The following TARM1 variants were observed in gnomAD, a reference collection of about 807,000 sequenced individuals.
TARM1 encodes the protein T cell-interacting, activating receptor on myeloid cells 1, also known as T-cell-interacting, activating receptor on myeloid cells protein 1.
In TARM1, 24 loss-of-function variants were observed where a neutral mutation model predicts 30.4. The observed-to-expected ratio is 0.79, with a 90% confidence interval of 0.57 to 1.11. TARM1 has a LOEUF of 1.11. Ranked by LOEUF, TARM1 falls within the 50% of genes least tolerant of loss-of-function variation. TARM1 has a pLI of 0.00. For synonymous variants in TARM1, 129 were observed against 138.9 expected (o/e 0.93, Z 0.50); for missense variants, 323 against 332.8 (o/e 0.97, Z 0.23).
chr19:54,074,369 C>T (rs1302734242), intron 3 of TARM1, among the ~76,000 whole-genome samples, 153 bp from the exon 4 acceptor site: 1 of 152,188 alleles, frequency 6.6e-6, no homozygotes, highest in Non-Finnish European at 1.5e-5. Context: ...GACCCCAGGA[C>T]AGAGATTCTC....
chr19:54,071,334 C>T (rs921168991), intron 4 of TARM1, among the ~76,000 whole-genome samples: 10 of 152,142 alleles, frequency 6.6e-5, no homozygotes, highest in Admixed American at 6.6e-4. Context: ...CCTTAGCTCT[C>T]TTCCTTCGTT....
chr19:54,073,228 G>T (rs1282447897), intron 4 of TARM1, among the ~76,000 whole-genome samples: 1 of 151,758 alleles, frequency 6.6e-6, no homozygotes, highest in Non-Finnish European at 1.5e-5. Flanking sequence ...GGTCAACACG[G>T]TGAAACCTTC....
intron 1 of TARM1, among the ~76,000 whole-genome samples, chr19:54,080,484 G>GAGGAAGGAAGGGAGGAAGGA (rs2072097632): frequency 1.1e-5 from 1 of 93,716 alleles, no homozygotes; most frequent in African/African-American, 4.5e-5. Context: ...AAGAGAGAGA[G>GAGGAAGGAAGGGAGGAAGGA]AGGAAGGAAG....
chr19:54,076,091 G>C lies in TARM1; in HGVS notation c.35-173C>G, dbSNP rs2071943856. 15 of 1,456,468 alleles carry C rather than the reference G, an allele frequency of 1.0e-5. No individual in the cohort carries two copies. In the East Asian group the frequency reaches 2.7e-4, roughly 27 times the overall value. 90.2% of individuals were successfully genotyped at this position (1,456,468 alleles called of 1,614,324 possible). ...GACTGTGGCTTCTGCTCGACTTCCA[G>C]CTCCTCCATCCTTTCCCAGAGATTC... On this transcript the variant is annotated intron_variant, in intron 1 of 4. Transcript: ENST00000432826.
chr19:54,075,334 C>T (rs935669463), intron 2 of TARM1, among the ~76,000 whole-genome samples: 2 of 151,776 alleles, frequency 1.3e-5, no homozygotes, highest in East Asian at 2.0e-4. Flanking sequence ...ATTACAGGCA[C>T]GCACCACCAC....
At chr19:54,080,613 T>C in intron 1 of TARM1, among the ~76,000 whole-genome samples, 1 of 151,940 alleles carries the variant, frequency 6.6e-6, no homozygotes, top group East Asian at 1.9e-4. Context: ...ATAGTGGTGA[T>C]GGTTACACAG....
intron 4 of TARM1, among the ~76,000 whole-genome samples, chr19:54,071,263 A>G (rs147682669): frequency 6.9e-4 from 105 of 152,124 alleles, no homozygotes; most frequent in African/African-American, 2.5e-3. Flanking sequence ...CGGCCAAGAT[A>G]TGCAATCCTA....
At chr19:54,075,769 G>T in intron 2 of TARM1, 114 bp downstream of exon 2, 1 of 1,241,088 alleles carries the variant, frequency 8.1e-7, no homozygotes, top group Non-Finnish European at 1.1e-6. Context: ...CTCCAGCCTG[G>T]CGAAAGAGTG....
chr19:54,075,839 T>A (rs1183684263), intron 2 of TARM1, 44 bp downstream of exon 2: 14 of 1,546,014 alleles, frequency 9.1e-6, no homozygotes, highest in Non-Finnish European at 1.1e-5. Context: ...AGCAGGGGAT[T>A]TGGGATGACA....
At chr19:54,072,242 G>A (rs2071830454) in intron 4 of TARM1, among the ~76,000 whole-genome samples, 1 of 152,086 alleles carries the variant, frequency 6.6e-6, no homozygotes. Flanking sequence ...GGCTCAATGT[G>A]TATTAAACTC....
chr19:54,074,003 C>G lies in TARM1; in HGVS notation c.575G>C (p.Gly192Ala). The G allele has an allele frequency of 6.4e-7, 1 of 1,551,666 alleles. No individual in the cohort carries two copies. The highest frequency in any genetic ancestry group is 2.0e-5 in the Admixed American group (1 of 50,974). Residue 192 changes from glycine to alanine, a missense_variant, in exon 4 of 5, where the codon GGG (glycine) becomes GCG (alanine). Transcript: ENST00000432826. Reference protein sequence around the residue: ...SLVDVTAGDAGNYSCMYYQTK... With the variant: ...SLVDVTAGDAANYSCMYYQTK... ...CTGGTAGTACATGCAGCTGTAGTTC[C>G]CAGCATCGCCGGCTGTCACGTCCAC...
chr19:54,071,498 C>T (rs2071811358), intron 4 of TARM1, among the ~76,000 whole-genome samples: 1 of 151,956 alleles, frequency 6.6e-6, no homozygotes, highest in Non-Finnish European at 1.5e-5. Context: ...GCAGCACACA[C>T]TGCTGTGCAG....
intron 4 of TARM1, 55 bp from the exon 5 acceptor site, chr19:54,070,215 A>G (rs1271667719): frequency 1.3e-6 from 2 of 1,516,462 alleles, no homozygotes; most frequent in African/African-American, 2.8e-5. Flanking sequence ...CTCCTTCTCA[A>G]ATGGCCCCAC....
intron 1 of TARM1, among the ~76,000 whole-genome samples, chr19:54,077,649 A>ATTT (rs1440146299): frequency 6.6e-6 from 1 of 151,970 alleles, no homozygotes; most frequent in Non-Finnish European, 1.5e-5. Flanking sequence ...AACACCCAAA[A>ATTT]TGTTCAAACA....
intron 1 of TARM1, among the ~76,000 whole-genome samples, chr19:54,079,911 G>A (rs1423680878): frequency 1.3e-5 from 2 of 151,312 alleles, no homozygotes; most frequent in East Asian, 3.9e-4. Context: ...GGCTGAGGCA[G>A]GAGAATTGCT....
intron 1 of TARM1, chr19:54,076,282 T>A (rs587716891): frequency 5.1e-6 from 7 of 1,369,406 alleles, no homozygotes; most frequent in East Asian, 2.6e-5. Context: ...TCATTCATTC[T>A]TTCTTTCATT....
At chr19:54,076,452 T>A (rs1173890348) in intron 1 of TARM1, 14 of 450,048 alleles carry the variant, frequency 3.1e-5, no homozygotes, top group Admixed American at 8.7e-5. Context: ...AACCTCCGCC[T>A]CCCGGGTTCA....
At chr19:54,077,111 G>A (rs889613382) in intron 1 of TARM1, among the ~76,000 whole-genome samples, 2 of 152,140 alleles carry the variant, frequency 1.3e-5, no homozygotes, top group Middle Eastern at 3.4e-3. Context: ...TGCCGGGCGC[G>A]GTGGCTCCCG....
chr19:54,079,473 A>G (rs1600213524), intron 1 of TARM1, among the ~76,000 whole-genome samples: 2 of 152,286 alleles, frequency 1.3e-5, no homozygotes, highest in South Asian at 4.1e-4. Flanking sequence ...GTTTTTAGAA[A>G]GATCAGCATT....
Sources: allele counts gnomAD v4.1 joint callset (sites outside exome capture counted in the v4.1 genomes callset), GRCh38; gene constraint gnomAD v4.1.1; transcripts MANE v1.5; gene names NCBI Gene and HGNC (gene_info 2026-07-23, HGNC 2026-07-21).